ARL17B: variants seen among roughly 807,000 people sequenced by gnomAD.
The protein encoded by ARL17B is ADP-ribosylation factor-like protein 17.
At chr17:46,279,175 C>CT (rs375830178) in intron 4 of ARL17B, among the ~76,000 whole-genome samples, 78 of 147,858 alleles carry the variant, frequency 5.3e-4, no homozygotes, top group Non-Finnish European at 9.4e-4. Flanking sequence ...ATAAGGCATT[C>CT]TTTTTTTTCT....
intron 4 of ARL17B, among the ~76,000 whole-genome samples, chr17:46,283,437 T>C (rs1194405306): frequency 6.6e-6 from 1 of 152,244 alleles, no homozygotes; most frequent in Non-Finnish European, 1.5e-5. Flanking sequence ...GTGAAAACAC[T>C]AATTCCATTT....
At chr17:46,287,213 A>G (rs1445648756) in intron 4 of ARL17B, among the ~76,000 whole-genome samples, 5 of 152,246 alleles carry the variant, frequency 3.3e-5, no homozygotes, top group Admixed American at 3.3e-4. Flanking sequence ...ATGGGTCTTT[A>G]AAAACATACT....
chr17:46,287,701 G>C (rs2950679), intron 4 of ARL17B, among the ~76,000 whole-genome samples: 1 of 152,232 alleles, frequency 6.6e-6, no homozygotes, highest in Non-Finnish European at 1.5e-5. Context: ...GGTAGGGAAC[G>C]TGGAAGGAGC....
chr17:46,291,907 G>A (rs928090618), intron 4 of ARL17B, among the ~76,000 whole-genome samples: 1 of 150,562 alleles, frequency 6.6e-6, no homozygotes, highest in Admixed American at 6.7e-5. Flanking sequence ...GCTGCGATGG[G>A]GTGTGATTGC....
At chr17:46,278,591 A>T (rs1439624237) in intron 4 of ARL17B, among the ~76,000 whole-genome samples, 2 of 151,176 alleles carry the variant, frequency 1.3e-5, no homozygotes, top group African/African-American at 4.9e-5. Flanking sequence ...TTTAGTAGAG[A>T]TGAGGTTTCA....
At chr17:46,283,466 A>C (rs1199800097) in intron 4 of ARL17B, among the ~76,000 whole-genome samples, 1 of 152,244 alleles carries the variant, frequency 6.6e-6, no homozygotes, top group Non-Finnish European at 1.5e-5. Context: ...CAGTTGAGTC[A>C]CTACATCAAT....
chr17:46,286,071 C>T (rs1358551555), intron 4 of ARL17B, among the ~76,000 whole-genome samples: 1 of 152,062 alleles, frequency 6.6e-6, no homozygotes, highest in African/African-American at 2.4e-5. Flanking sequence ...ATTCTGACAC[C>T]GATCATGGCC....
At chr17:46,289,258 C>CTA (rs375112071) in intron 4 of ARL17B, among the ~76,000 whole-genome samples, 5,037 of 126,478 alleles carry the variant, frequency 0.04, no homozygotes, top group Non-Finnish European at 0.065. Flanking sequence ...ACACGGCTTG[C>CTA]TATAGCCTTG....
intron 4 of ARL17B, among the ~76,000 whole-genome samples, chr17:46,286,352 A>C (rs2732616): frequency 0.12 from 18,419 of 152,230 alleles, no homozygotes; most frequent in Non-Finnish European, 0.18. Flanking sequence ...ATTGATTTTA[A>C]AGCTGAAAAC....
At chr17:46,290,284 CA>C (rs1486887540) in intron 4 of ARL17B, among the ~76,000 whole-genome samples, 3 of 152,092 alleles carry the variant, frequency 2.0e-5, no homozygotes, top group Non-Finnish European at 4.4e-5. Flanking sequence ...GTGTGCATCA[CA>C]ACACCCAGCA....
At chr17:46,291,985 A>AAAAAAAAAAAAAAAAAAAAAAAAAAAAC (rs1360524355) in intron 4 of ARL17B, among the ~76,000 whole-genome samples, 1 of 76,668 alleles carries the variant, frequency 1.3e-5, no homozygotes, top group African/African-American at 4.4e-5. Context: ...AAAAAAAAAA[A>AAAAAAAAAAAAAAAAAAAAAAAAAAAAC]AAGCCAATAA....
rs1439325975 is a variant in ARL17B, at chr17:46,323,696, C to T, written c.260-24031G>A. On this transcript the variant is annotated intron_variant, in intron 3 of 4. Transcript: ENST00000434041. ...ACAGATAAGATCCACCTTGCCTGGCCTCACTCAGTAGAATTTTTTTTGAGA... is the reference window on the plus strand; with the variant it reads ...ACAGATAAGATCCACCTTGCCTGGCTTCACTCAGTAGAATTTTTTTTGAGA... Among the ~76,000 whole-genome samples the T allele has an allele frequency of 2.9e-5, 3 of 104,330 alleles. 1 individual carries two copies. The highest frequency in any genetic ancestry group is 4.5e-5 in the Non-Finnish European group (2 of 44,162). The allele number at this position is 104,330 out of a possible 152,430, so 68.4% of individuals were successfully genotyped here.
intron 4 of ARL17B, chr17:46,275,477 T>C (rs2049560198): frequency 2.8e-6 from 2 of 713,872 alleles, no homozygotes; most frequent in African/African-American, 1.9e-5. Flanking sequence ...AATGATGCTT[T>C]ATGCGGATGC....
chr17:46,280,282 T>G (rs1485894748), intron 4 of ARL17B, among the ~76,000 whole-genome samples: 1 of 152,192 alleles, frequency 6.6e-6, no homozygotes, highest in Admixed American at 6.5e-5. Context: ...GAGAATCGCT[T>G]GAACGCGGGA....
chr17:46,291,536 G>A (rs79564601), intron 4 of ARL17B, among the ~76,000 whole-genome samples: 12,695 of 143,836 alleles, frequency 0.088, 2 homozygotes, highest in Middle Eastern at 0.14. Flanking sequence ...GGGCTACACT[G>A]GGCTTCAGGA....
intron 4 of ARL17B, among the ~76,000 whole-genome samples, chr17:46,277,256 C>G (rs1212790359): frequency 6.6e-6 from 1 of 152,220 alleles, no homozygotes; most frequent in Non-Finnish European, 1.5e-5. Context: ...ACTATGCGGG[C>G]CCAGCCTAGG....
intron 4 of ARL17B, among the ~76,000 whole-genome samples, chr17:46,286,942 C>G (rs1295885012): frequency 6.6e-6 from 1 of 152,220 alleles, no homozygotes; most frequent in Non-Finnish European, 1.5e-5. Context: ...GCAGTTAGTA[C>G]AAAGATCACA....
intron 4 of ARL17B, among the ~76,000 whole-genome samples, chr17:46,288,015 A>G (rs1402661872): frequency 2.0e-5 from 3 of 152,194 alleles, no homozygotes; most frequent in Admixed American, 6.5e-5. Context: ...TGCCGATACC[A>G]TTGGCACTCC....
At chr17:46,274,995 C>T (rs2668623) in exon 5 of ARL17B, 23,861 of 156,202 alleles carry the variant, frequency 0.15, 2,451 homozygotes, top group Middle Eastern at 0.25. Context: ...CGGGTTCCAG[C>T]GATTCTCCTG....
Sources: allele counts gnomAD v4.1 joint callset (sites outside exome capture counted in the v4.1 genomes callset), GRCh38; gene constraint gnomAD v4.1.1; transcripts MANE v1.5; gene names NCBI Gene and HGNC (gene_info 2026-07-23, HGNC 2026-07-21).